The following GLUD1 variants were observed in gnomAD, a reference collection of about 807,000 sequenced individuals.
The protein encoded by GLUD1 is glutamate dehydrogenase 1, also known as glutamate dehydrogenase 1, mitochondrial.
Under a neutral mutation model 56.0 loss-of-function variants are expected in GLUD1, and 22 were observed. The ratio of observed to expected loss-of-function variants is 0.39; its 90% CI spans 0.28 to 0.56. The LOEUF is 0.56. GLUD1 is among the 20% of genes least tolerant of loss of function. The pLI is 0.58. For synonymous variants in GLUD1, 223 were observed against 269.9 expected (o/e 0.83, Z 1.70); for missense variants, 451 against 732.0 (o/e 0.62, Z 4.43).
intron 11 of GLUD1, among the ~76,000 whole-genome samples, chr10:87,056,317 AG>A (rs1845775078): frequency 7.7e-6 from 1 of 130,432 alleles, no homozygotes; most frequent in Non-Finnish European, 1.6e-5. Context: ...TTTGAGATGG[AG>A]TTTCGCTCTT....
intron 5 of GLUD1, chr10:87,067,857 A>T (rs2133810867): frequency 1.9e-6 from 1 of 535,836 alleles, no homozygotes; most frequent in Admixed American, 2.6e-5. Context: ...TCCAGTGACA[A>T]GTATAGGGCA....
Position 87,094,611 on chromosome 10 carries a change from G to C in GLUD1, c.159C>G (p.Tyr53Ter), listed in dbSNP as rs1841670612. ...CCTCGCGGTCGGCCACCGCCTCGCT[G>C]TAGTGGCGCCGGGCGGCCAATGCCA... is the stretch of plus-strand genomic sequence containing the variant. ...PGLALAARRH[Y>*]SEAVADREDD... Residue 53 changes from tyrosine (Y) to a stop codon, truncating the protein, a stop_gained, in exon 1 of 13, where the codon TAC (tyrosine) becomes TAG (stop). Transcript: ENST00000277865. LOFTEE classifies it high-confidence loss of function. The surrounding 1 kb of genome is among the most constrained non-coding windows in gnomAD (Gnocchi z 6.6). 6.2e-7 allele frequency: 1 copy of C among 1,610,452 alleles called. No homozygotes were observed. Among genetic ancestry groups the C allele is most frequent in the Admixed American group, 1.7e-5 (1 of 59,972 alleles).
At chr10:87,077,858 G>A (rs762860121) in intron 1 of GLUD1, among the ~76,000 whole-genome samples, 8 of 151,930 alleles carry the variant, frequency 5.3e-5, no homozygotes, top group African/African-American at 1.9e-4. Flanking sequence ...AGCCCCTCTC[G>A]AGGGGCTGGG....
intron 4 of GLUD1, among the ~76,000 whole-genome samples, chr10:87,070,416 TGGTAAAAC>T (rs1400542668): frequency 6.6e-6 from 1 of 151,704 alleles, no homozygotes; most frequent in Non-Finnish European, 1.5e-5. Context: ...CTGGCCAACG[TGGTAAAAC>T]CCCGTCTCTA....
In GLUD1 at chr10:87,057,600, A is replaced by G. The variant is rs182162017; in HGVS notation, c.1494+91T>C. 3.5e-5 allele frequency: 28 copies of G among 792,998 alleles called. No homozygotes were observed. The Admixed American group carries it at 3.7e-4, about 11-fold the overall frequency. The allele number at this position is 792,998 out of a possible 1,614,324, so 49.1% of individuals were successfully genotyped here. On this transcript the variant is annotated intron_variant, in intron 11 of 12. Coordinates refer to ENST00000277865, the MANE Select transcript of GLUD1 (RefSeq NM_005271.5). ...TACTGTCAAGCTAATTACAAAGACTATGCCGCAGATGAAATCCATCTAACC... is the reference window on the plus strand; with the variant it reads ...TACTGTCAAGCTAATTACAAAGACTGTGCCGCAGATGAAATCCATCTAACC...
intron 10 of GLUD1, among the ~76,000 whole-genome samples, chr10:87,058,846 G>C (rs1384874354): frequency 6.6e-6 from 1 of 152,028 alleles, no homozygotes; most frequent in African/African-American, 2.4e-5. Context: ...AGCCGAGTTC[G>C]TGCCACTGCA....
chr10:87,058,172 A>G (rs1845837881), intron 10 of GLUD1, among the ~76,000 whole-genome samples: 1 of 152,156 alleles, frequency 6.6e-6, no homozygotes, highest in South Asian at 2.1e-4. Flanking sequence ...CTGGCCTTAT[A>G]CAGAGTTTTA....
chr10:87,087,635 C>T (rs372862653), intron 1 of GLUD1, among the ~76,000 whole-genome samples: 1 of 152,346 alleles, frequency 6.6e-6, no homozygotes, highest in African/African-American at 2.4e-5. Flanking sequence ...TATTTACTGT[C>T]ACAAGCCCTT....
In GLUD1 at chr10:87,094,611, G is replaced by T; in HGVS notation, c.159C>A (p.Tyr53Ter). The part of the protein sequence containing the change: ...PGLALAARRH[Y>*]SEAVADREDD... ...CCTCGCGGTCGGCCACCGCCTCGCT[G>T]TAGTGGCGCCGGGCGGCCAATGCCA... is the stretch of plus-strand genomic sequence containing the variant. Residue 53 changes from tyrosine to a stop codon, truncating the protein, a stop_gained, in exon 1 of 13, where the codon TAC becomes TAA. Coordinates refer to ENST00000277865, the MANE Select transcript of GLUD1 (RefSeq NM_005271.5). LOFTEE classifies it high-confidence loss of function. The surrounding 1 kb of genome is among the most constrained non-coding windows in gnomAD (Gnocchi z 6.6). The T allele has an allele frequency of 6.2e-7, 1 of 1,610,568 alleles. No homozygotes were observed.
In GLUD1 at chr10:87,050,320, A is replaced by C. The variant is rs1055721287; in HGVS notation, c.*1431T>G. On this transcript the variant is annotated 3_prime_UTR_variant, in exon 13 of 13. Transcript: ENST00000277865. The stretch of plus-strand genomic sequence containing the variant: ...TCTCTGAACGTGTAAAGCACCGAAC[A>C]AAAAAAAAAAAAACAATTCAAGAAT... Among the ~76,000 whole-genome samples the C allele has an allele frequency of 2.1e-4, 28 of 131,954 alleles. No individual in the cohort carries two copies. Among genetic ancestry groups the C allele is most frequent in the Middle Eastern group, 3.7e-3 (1 of 270 alleles). 86.6% of individuals were successfully genotyped at this position (131,954 alleles called of 152,430 possible). A position where few individuals can be genotyped will look rare whatever the true frequency, so the allele number is the denominator to read the frequency against.
chr10:87,093,123 C>G (rs954176116), intron 1 of GLUD1, among the ~76,000 whole-genome samples: 1 of 152,216 alleles, frequency 6.6e-6, no homozygotes, highest in African/African-American at 2.4e-5. Flanking sequence ...TTTGTCCCCC[C>G]TGCTGGGAAC....
intron 11 of GLUD1, among the ~76,000 whole-genome samples, chr10:87,053,916 G>C (rs909257895): frequency 7.1e-6 from 1 of 141,548 alleles, no homozygotes; most frequent in African/African-American, 2.6e-5. Context: ...GTAGATCTCA[G>C]CAGCGTTTTA....
chr10:87,051,903 T>C (rs751403776), intron 12 of GLUD1, 33 bp from the exon 13 acceptor site: 1 of 1,613,736 alleles, frequency 6.2e-7, no homozygotes, highest in Non-Finnish European at 8.5e-7. Flanking sequence ...GTGAAGATGA[T>C]CCTGACTCAA....
intron 4 of GLUD1, among the ~76,000 whole-genome samples, chr10:87,073,502 A>G (rs1204387315): frequency 6.6e-6 from 1 of 152,104 alleles, no homozygotes; most frequent in Non-Finnish European, 1.5e-5. Context: ...CTAAGAAAGG[A>G]AAGTAGAGAA....
chr10:87,080,702 C>CA (rs1841207008), intron 1 of GLUD1, among the ~76,000 whole-genome samples: 1 of 151,246 alleles, frequency 6.6e-6, no homozygotes, highest in Non-Finnish European at 1.5e-5. Context: ...CTCTGCCCGG[C>CA]AACCGCCCCG....
Position 87,094,142 on chromosome 10 carries a change from TA to T in GLUD1, c.445+182del. On this transcript the variant is annotated intron_variant, in intron 1 of 12. Transcript: ENST00000277865. The surrounding 1 kb of genome is among the most constrained non-coding windows in gnomAD (Gnocchi z 6.6). ...GGGCAGGCCAATCGCATGATGATTTTAAGGCGGAAAAATCACCATCCACAGA... is the reference window on the plus strand; with the variant it reads ...GGGCAGGCCAATCGCATGATGATTTTAGGCGGAAAAATCACCATCCACAGA... 1 of 1,442,312 alleles carries T rather than the reference TA, an allele frequency of 6.9e-7. No individual in the cohort carries two copies. The allele number at this position is 1,442,312 out of a possible 1,614,324, so 89.3% of individuals were successfully genotyped here. A position where few individuals can be genotyped will look rare whatever the true frequency, so the allele number is the denominator to read the frequency against.
intron 5 of GLUD1, among the ~76,000 whole-genome samples, chr10:87,064,006 T>C (rs1020829024): frequency 7.2e-5 from 11 of 152,014 alleles, no homozygotes; most frequent in African/African-American, 2.2e-4. Flanking sequence ...AGCCTCCCGA[T>C]AGCTGGGACT....
At chr10:87,092,659 A>G in intron 1 of GLUD1, 1 of 964,974 alleles carries the variant, frequency 1.0e-6, no homozygotes, top group Non-Finnish European at 1.2e-6. Flanking sequence ...GGGCATCTGA[A>G]GAATCGAAGA....
At chr10:87,061,153 AG>A in intron 6 of GLUD1, 101 bp from the exon 7 acceptor site, 1 of 1,124,826 alleles carries the variant, frequency 8.9e-7, no homozygotes, top group South Asian at 1.2e-5. Flanking sequence ...TTTATTTAGA[AG>A]CAATTCTCAA....
Sources: allele counts gnomAD v4.1 joint callset (sites outside exome capture counted in the v4.1 genomes callset), GRCh38; gene constraint gnomAD v4.1.1; non-coding constraint Gnocchi (gnomAD v3.1); transcripts MANE v1.5; gene names NCBI Gene and HGNC (gene_info 2026-07-23, HGNC 2026-07-21).